POLB: variants seen among roughly 807,000 people sequenced by gnomAD.
The protein encoded by POLB is DNA polymerase beta, also known as 5'-dRP lyase.
A neutral mutation model predicts 52.7 loss-of-function variants in POLB; 37 were observed. The observed-to-expected ratio is 0.70, with a 90% CI of 0.54 to 0.92. The LOEUF (loss-of-function observed/expected upper bound fraction) is 0.92, where lower values mean the gene tolerates loss of function less well. POLB is among the 40% of genes least tolerant of loss of function. The probability of loss-of-function intolerance (pLI) is 0.00; values close to 1 mark genes in which losing one functional copy is unlikely to be tolerated. For synonymous variants in POLB, 138 were observed against 131.3 expected, an observed-to-expected ratio of 1.05 and a Z score of -0.35; for missense variants, 313 against 400.8, an observed-to-expected ratio of 0.78 and a Z score of 1.87.
chr8:42,343,345 A>AAATATATATATATATAT (rs1554531633), intron 2 of POLB, among the ~76,000 whole-genome samples: 1 of 33,056 alleles, frequency 3.0e-5, no homozygotes, highest in African/African-American at 5.9e-5. Flanking sequence ...AAAAAAAAAA[A>AAATATATATATATATAT]ATATATATAT....
chr8:42,348,159 C>T (rs1164807850), intron 3 of POLB, among the ~76,000 whole-genome samples: 4 of 152,180 alleles, frequency 2.6e-5, no homozygotes, highest in African/African-American at 9.6e-5. Flanking sequence ...AGCAATTCCA[C>T]TTTGACGTAT....
chr8:42,342,360 C>G, intron 2 of POLB: 1 of 1,499,026 alleles, frequency 6.7e-7, no homozygotes, highest in Non-Finnish European at 9.2e-7. Flanking sequence ...CATAATTTGT[C>G]AGGCCAACCT....
chr8:42,347,939 A>G (rs1210871503), intron 3 of POLB, among the ~76,000 whole-genome samples: 2 of 152,310 alleles, frequency 1.3e-5, no homozygotes, highest in South Asian at 2.1e-4. Context: ...ACTAAAAAGG[A>G]CAGGACATTT....
At chr8:42,339,422 G>A (rs1469356709) in intron 2 of POLB, 2 of 285,058 alleles carry the variant, frequency 7.0e-6, no homozygotes, top group Non-Finnish European at 1.4e-5. Context: ...TTTTCTTTTG[G>A]TTGGTCTAAA....
chr8:42,340,155 C>T (rs1327893624), intron 2 of POLB: 1 of 152,260 alleles, frequency 6.6e-6, no homozygotes, highest in Non-Finnish European at 1.5e-5. Flanking sequence ...TATCTCTTGA[C>T]TTCTGTAATG....
At chr8:42,347,136 A>G (rs573873121) in intron 3 of POLB, among the ~76,000 whole-genome samples, 2 of 152,194 alleles carry the variant, frequency 1.3e-5, no homozygotes, top group Non-Finnish European at 2.9e-5. Flanking sequence ...ATTCCTAAAA[A>G]GAATACAAAG....
intron 5 of POLB, among the ~76,000 whole-genome samples, chr8:42,350,451 A>T (rs1347965823): frequency 6.6e-6 from 1 of 151,994 alleles, no homozygotes; most frequent in Non-Finnish European, 1.5e-5. Context: ...AGCTTTTTTT[A>T]AATTATTTTT....
At chr8:42,341,153 G>C (rs1822177939) in intron 2 of POLB, among the ~76,000 whole-genome samples, 1 of 152,170 alleles carries the variant, frequency 6.6e-6, no homozygotes, top group African/African-American at 2.4e-5. Flanking sequence ...GTTGATTGTG[G>C]CCAAAGTATT....
At position 42,355,057 on chromosome 8, in the gene POLB, G is replaced by A. The variant is rs1328000457; in HGVS notation, c.371-459G>A. On this transcript the variant is annotated intron_variant, in intron 6 of 13. Coordinates refer to ENST00000265421, the MANE Select transcript of POLB (RefSeq NM_002690.3). The stretch of plus-strand genomic sequence containing the variant: ...TTTTTTGTTGTCGTTGTTGTTTTTC[G>A]AGACGGGGTCTTGCTCTGTTGCCCA... Among the ~76,000 whole-genome samples, 5 of 151,732 alleles carry A rather than the reference G, an allele frequency of 3.3e-5. No homozygotes were observed. The East Asian group carries it at 7.8e-4, about 24-fold the overall frequency.
At chr8:42,370,171 A>G in intron 13 of POLB, 183 bp downstream of exon 13, 1 of 678,256 alleles carries the variant, frequency 1.5e-6, no homozygotes, top group Non-Finnish European at 2.7e-6. Context: ...CCTCAGTTGA[A>G]GGCCATCAAG....
chr8:42,369,848 G>T lies in POLB; in HGVS notation c.774-1G>T. 1.3e-6 allele frequency: 2 copies of T among 1,568,764 alleles called. No homozygotes were observed. The highest frequency in any genetic ancestry group is 1.7e-6 in the Non-Finnish European group (2 of 1,159,610). On this transcript the variant is annotated splice_acceptor_variant, in intron 12 of 13. Transcript: ENST00000265421. LOFTEE classifies it high-confidence loss of function. ...ATGTATCTACTGTCCATTTTTTTTAGGTTGATACCCAAAGATCAGTATTAC... is the reference window on the plus strand; with the variant it reads ...ATGTATCTACTGTCCATTTTTTTTATGTTGATACCCAAAGATCAGTATTAC...
intron 6 of POLB, among the ~76,000 whole-genome samples, chr8:42,353,022 C>T (rs754027330): frequency 1.0e-4 from 15 of 150,370 alleles, no homozygotes; most frequent in East Asian, 2.0e-4. Flanking sequence ...TGCATTGAGC[C>T]GAGGTGGTGC....
Position 42,338,533 on chromosome 8 carries a change from T to A in POLB, c.-92T>A, listed in dbSNP as rs892304756. On this transcript the variant is annotated 5_prime_UTR_variant, in exon 1 of 14. Transcript: ENST00000265421. ...CGCGCCGGAGCTGGGTTGCTCCTGC[T>A]CCCGTCTCCAAGTCCTGGTACCTCC... The A allele has an allele frequency of 1.7e-6, 2 of 1,158,998 alleles. No individual in the cohort carries two copies. The highest frequency in any genetic ancestry group is 2.6e-6 in the Non-Finnish European group (2 of 768,544). The allele number at this position is 1,158,998 out of a possible 1,614,324, so 71.8% of individuals were successfully genotyped here.
chr8:42,357,693 T>C (rs1421843508), intron 9 of POLB: 2 of 288,132 alleles, frequency 6.9e-6, no homozygotes, highest in Non-Finnish European at 1.3e-5. Flanking sequence ...GATAGTGAAG[T>C]TGTGGGTAGT....
intron 9 of POLB, among the ~76,000 whole-genome samples, chr8:42,359,047 C>G (rs1346428338): frequency 2.0e-5 from 3 of 152,072 alleles, no homozygotes; most frequent in Admixed American, 1.3e-4. Context: ...TTTAATTTTA[C>G]TTTTTTGGGG....
chr8:42,345,003 C>T lies in POLB; in HGVS notation c.170C>T (p.Ala57Val). ...AKYPHKIKSG[A>V]EAKKLPGVGT... is the part of the protein sequence containing the mutation. The stretch of plus-strand genomic sequence containing the variant: ...TACCCACACAAAATAAAGAGTGGAG[C>T]TGAAGCTAAGAAATTGGTAAGTTTA... Residue 57 changes from alanine to valine, a missense_variant, in exon 3 of 14, where the codon GCT (alanine) becomes GTT (valine). Physicochemically the swap from Ala to Val is moderately conservative, Grantham distance 64. This residue lies in a region of POLB where 13 missense variants were observed against 39.8 expected (regional missense o/e 0.33). Transcript: ENST00000265421. 6.2e-7 allele frequency: 1 copy of T among 1,607,878 alleles called. No individual in the cohort carries two copies. Among genetic ancestry groups the T allele is most frequent in the Non-Finnish European group, 8.5e-7 (1 of 1,174,462 alleles).
intron 11 of POLB, among the ~76,000 whole-genome samples, chr8:42,365,365 T>C (rs755826639): frequency 6.6e-6 from 1 of 152,218 alleles, no homozygotes; most frequent in Non-Finnish European, 1.5e-5. Context: ...CAAAAGTATA[T>C]ACATACATGA....
chr8:42,357,661 G>A (rs780868582), intron 9 of POLB: 3 of 326,384 alleles, frequency 9.2e-6, no homozygotes, highest in Non-Finnish European at 1.7e-5. Context: ...AGTAATGGTT[G>A]TCTTTGGCCT....
Position 42,362,715 on chromosome 8 carries a change from GT to G in POLB, c.708+19del. On this transcript the variant is annotated intron_variant, in intron 11 of 13. Transcript: ENST00000265421. ...AAGTTCATGGTAAGTACTTGTTAGA[GT>G]TAGCACATCTAAAAAAAAACTTGGA... 6.9e-7 allele frequency: 1 copy of G among 1,451,086 alleles called. No individual in the cohort carries two copies. The highest frequency in any genetic ancestry group is 9.6e-7 in the Non-Finnish European group (1 of 1,036,446). 89.9% of individuals were successfully genotyped at this position (1,451,086 alleles called of 1,614,324 possible).
Sources: allele counts gnomAD v4.1 joint callset (sites outside exome capture counted in the v4.1 genomes callset), GRCh38; gene constraint gnomAD v4.1.1; regional missense constraint gnomAD v4.1.1; transcripts MANE v1.5; gene names NCBI Gene and HGNC (gene_info 2026-07-23, HGNC 2026-07-21).